Variants in CAMK2D observed in about 807,000 individuals in gnomAD.
CAMK2D encodes the protein calcium/calmodulin-dependent protein kinase type II subunit delta.
In CAMK2D, 37 loss-of-function variants were observed where a neutral mutation model predicts 84.0. The ratio of observed to expected loss-of-function variants is 0.44; its 90% CI spans 0.34 to 0.58. The LOEUF (loss-of-function observed/expected upper bound fraction) is 0.58. CAMK2D is among the 20% of genes least tolerant of loss of function. The pLI is 0.02. For synonymous variants in CAMK2D, 202 were observed against 212.5 expected (o/e 0.95, Z 0.43); for missense variants, 448 against 652.5 (o/e 0.69, Z 3.41).
At chr4:113,522,399 G>C (rs1432916495) in intron 8 of CAMK2D, among the ~76,000 whole-genome samples, 1 of 152,194 alleles carries the variant, frequency 6.6e-6, no homozygotes, top group East Asian at 1.9e-4. Flanking sequence ...CCTTGTTGTA[G>C]TATGATTAAT....
chr4:113,625,664 A>G (rs1312620920), intron 3 of CAMK2D, among the ~76,000 whole-genome samples: 3 of 152,104 alleles, frequency 2.0e-5, no homozygotes, highest in African/African-American at 4.8e-5. Context: ...CAGAGGTGTG[A>G]GTATCGGGGG....
At chr4:113,698,477 C>A (rs1364555569) in intron 2 of CAMK2D, among the ~76,000 whole-genome samples, 1 of 152,108 alleles carries the variant, frequency 6.6e-6, no homozygotes, top group East Asian at 1.9e-4. Flanking sequence ...CATATGTATA[C>A]AGCAGTGTCT....
At chr4:113,532,540 A>T in intron 7 of CAMK2D, among the ~76,000 whole-genome samples, 1 of 152,176 alleles carries the variant, frequency 6.6e-6, no homozygotes, top group Non-Finnish European at 1.5e-5. Flanking sequence ...GCACTCTGTG[A>T]ATTCCAAGGT....
intron 8 of CAMK2D, among the ~76,000 whole-genome samples, chr4:113,520,284 T>G (rs2098338972): frequency 6.6e-6 from 1 of 152,022 alleles, no homozygotes; most frequent in Non-Finnish European, 1.5e-5. Flanking sequence ...GGCACATGCC[T>G]TTAGTCTCAG....
At chr4:113,494,674 C>T (rs892276550) in intron 16 of CAMK2D, among the ~76,000 whole-genome samples, 5 of 152,204 alleles carry the variant, frequency 3.3e-5, no homozygotes, top group East Asian at 1.9e-4. Flanking sequence ...CCACCCAGTT[C>T]GAGCTTCCCG....
chr4:113,749,697 C>T (rs1166231502), intron 2 of CAMK2D, among the ~76,000 whole-genome samples: 1 of 151,882 alleles, frequency 6.6e-6, no homozygotes, highest in Non-Finnish European at 1.5e-5. Context: ...AAATGTTAGC[C>T]CTCATTAATG....
intron 3 of CAMK2D, among the ~76,000 whole-genome samples, chr4:113,637,528 A>T (rs1447140873): frequency 6.6e-6 from 1 of 152,118 alleles, no homozygotes; most frequent in Non-Finnish European, 1.5e-5. Context: ...CTGTGGTTTC[A>T]TTTGTATTTG....
chr4:113,627,146 A>C (rs770768037), intron 3 of CAMK2D, among the ~76,000 whole-genome samples: 2 of 152,162 alleles, frequency 1.3e-5, no homozygotes, highest in Non-Finnish European at 2.9e-5. Flanking sequence ...GAAAAAAAGC[A>C]GAGAAAAAAT....
At chr4:113,547,533 A>C (rs1198252023) in intron 6 of CAMK2D, 111 bp downstream of exon 6, 6 of 549,296 alleles carry the variant, frequency 1.1e-5, no homozygotes, top group East Asian at 9.6e-5. Flanking sequence ...ACGTGCTGGA[A>C]TAAGTCCACA....
chr4:113,536,174 G>A (rs1460255208), intron 7 of CAMK2D, among the ~76,000 whole-genome samples: 1 of 152,148 alleles, frequency 6.6e-6, no homozygotes, highest in Admixed American at 6.6e-5. Context: ...AAGTTTGGAG[G>A]TATTAAATTC....
chr4:113,581,552 A>AAGAAG (rs2098810236), intron 4 of CAMK2D, among the ~76,000 whole-genome samples: 2 of 151,598 alleles, frequency 1.3e-5, no homozygotes, highest in African/African-American at 2.4e-5. Context: ...AAGAAAAGAA[A>AAGAAG]AAGACCAGGC....
intron 4 of CAMK2D, among the ~76,000 whole-genome samples, chr4:113,559,440 T>C (rs994355176): frequency 6.6e-6 from 1 of 152,270 alleles, no homozygotes; most frequent in Non-Finnish European, 1.5e-5. Context: ...TTATTTATTA[T>C]GCTTGGGTAA....
chr4:113,584,051 A>G (rs1313614178), intron 4 of CAMK2D, among the ~76,000 whole-genome samples: 1 of 152,228 alleles, frequency 6.6e-6, no homozygotes, highest in Non-Finnish European at 1.5e-5. Context: ...ATAAAACCCC[A>G]ACATAATATA....
chr4:113,637,478 T>A (rs190208027), intron 3 of CAMK2D, among the ~76,000 whole-genome samples: 1 of 152,206 alleles, frequency 6.6e-6, no homozygotes, highest in Non-Finnish European at 1.5e-5. Context: ...TAAAGTCCCA[T>A]TAGCAAGTTT....
At chr4:113,744,932 C>G (rs545425273) in intron 2 of CAMK2D, among the ~76,000 whole-genome samples, 35 of 152,266 alleles carry the variant, frequency 2.3e-4, no homozygotes, top group African/African-American at 7.2e-4. Context: ...ATCATCTTCC[C>G]TCATCAAAAT....
chr4:113,588,462 G>C (rs973564790), intron 4 of CAMK2D, among the ~76,000 whole-genome samples: 2 of 152,088 alleles, frequency 1.3e-5, no homozygotes, highest in Non-Finnish European at 2.9e-5. Flanking sequence ...TTCTTAAAAC[G>C]TATCATGATG....
In CAMK2D at chr4:113,531,238, C is replaced by T; in HGVS notation, c.579G>A (p.Lys193=). The T allele has an allele frequency of 6.2e-7, 1 of 1,600,622 alleles. No individual in the cohort carries two copies. Among genetic ancestry groups the T allele is most frequent in the South Asian group, 1.1e-5 (1 of 90,790 alleles). Residue 193 remains lysine (K), a synonymous_variant, in exon 8 of 21, where the codon AAG becomes AAA. Transcript: ENST00000511664. ...TACCACATGCCCACATATCCACTGGCTTTCCATAAGGATCTTTACGTAAAA... is the reference window on the plus strand; with the variant it reads ...TACCACATGCCCACATATCCACTGGTTTTCCATAAGGATCTTTACGTAAAA... ...PEVLRKDPYG[K]PVDMWACGVI...
At chr4:113,688,224 T>A (rs139127670) in intron 2 of CAMK2D, among the ~76,000 whole-genome samples, 29 of 152,294 alleles carry the variant, frequency 1.9e-4, no homozygotes, top group African/African-American at 7.0e-4. Context: ...AGATTATGTA[T>A]CTGCCAAACG....
chr4:113,679,116 C>T (rs1047706195), intron 2 of CAMK2D, among the ~76,000 whole-genome samples: 3 of 152,006 alleles, frequency 2.0e-5, no homozygotes, highest in Non-Finnish European at 4.4e-5. Context: ...TCACCTAATG[C>T]TGCTCTGGGG....
Sources: allele counts gnomAD v4.1 joint callset (sites outside exome capture counted in the v4.1 genomes callset), GRCh38; gene constraint gnomAD v4.1.1; transcripts MANE v1.5; gene names NCBI Gene and HGNC (gene_info 2026-07-23, HGNC 2026-07-21).